PDE4D: variants seen among roughly 807,000 people sequenced by gnomAD.
PDE4D encodes the protein 3',5'-cyclic-AMP phosphodiesterase 4D.
Under a neutral mutation model 87.4 loss-of-function variants are expected in PDE4D, and 24 were observed. That is an observed-to-expected ratio of 0.27 (90% confidence interval 0.20 to 0.39). PDE4D has a LOEUF of 0.39. Ranked by LOEUF, PDE4D falls within the 10% of genes least tolerant of loss-of-function variation. The pLI is 1.00. For synonymous variants in PDE4D, 384 were observed against 383.2 expected (o/e 1.00, Z -0.02); for missense variants, 714 against 1,041.0 (o/e 0.69, Z 4.32).
intron 2 of PDE4D, among the ~76,000 whole-genome samples, chr5:59,202,155 T>C (rs1346426936): frequency 6.7e-6 from 1 of 149,056 alleles, no homozygotes; most frequent in East Asian, 2.0e-4. Context: ...TTCTCCTGCC[T>C]CAGCCTCTGG....
chr5:59,227,150 T>C (rs1331648029), intron 1 of PDE4D, among the ~76,000 whole-genome samples: 1 of 152,152 alleles, frequency 6.6e-6, no homozygotes, highest in East Asian at 1.9e-4. Flanking sequence ...TCTAAGATGC[T>C]ATATTTCCAA....
At chr5:60,316,745 T>A (rs1390513112) in intron 1 of PDE4D, among the ~76,000 whole-genome samples, 1 of 152,190 alleles carries the variant, frequency 6.6e-6, no homozygotes, top group East Asian at 1.9e-4. Flanking sequence ...ATTGAGATAA[T>A]CATATGGTTT....
intron 1 of PDE4D, among the ~76,000 whole-genome samples, chr5:59,289,032 A>G (rs989175155): frequency 6.6e-6 from 1 of 152,186 alleles, no homozygotes; most frequent in Non-Finnish European, 1.5e-5. Context: ...GTAAATACAC[A>G]GAAAAACACA....
intron 1 of PDE4D, among the ~76,000 whole-genome samples, chr5:59,847,833 C>G (rs933919795): frequency 6.6e-6 from 1 of 152,138 alleles, no homozygotes; most frequent in African/African-American, 2.4e-5. Context: ...ATGCCAATTC[C>G]TCTGCTCCAA....
intron 5 of PDE4D, among the ~76,000 whole-genome samples, chr5:59,076,571 A>G (rs970467087): frequency 6.6e-6 from 1 of 152,178 alleles, no homozygotes; most frequent in South Asian, 2.1e-4. Flanking sequence ...GCAATTAACA[A>G]GTGTGATAAA....
At chr5:59,425,601 A>G (rs932844543) in intron 1 of PDE4D, among the ~76,000 whole-genome samples, 7 of 152,188 alleles carry the variant, frequency 4.6e-5, no homozygotes, top group Non-Finnish European at 1.0e-4. Context: ...AAAGCTATAA[A>G]AAAGCAAATG....
At chr5:59,357,842 C>T (rs1177540157) in intron 1 of PDE4D, among the ~76,000 whole-genome samples, 1 of 152,190 alleles carries the variant, frequency 6.6e-6, no homozygotes, top group Non-Finnish European at 1.5e-5. Context: ...GTTAACAATG[C>T]AGCATAATTT....
At chr5:59,534,673 G>A (rs1365462951) in intron 1 of PDE4D, among the ~76,000 whole-genome samples, 3 of 152,208 alleles carry the variant, frequency 2.0e-5, no homozygotes, top group Non-Finnish European at 4.4e-5. Context: ...GACTTCCTGA[G>A]TAGAGGATTT....
At chr5:60,193,033 T>G (rs565506045) in intron 1 of PDE4D, among the ~76,000 whole-genome samples, 6 of 152,162 alleles carry the variant, frequency 3.9e-5, no homozygotes, top group Admixed American at 3.9e-4. Flanking sequence ...AAAAGCCAAG[T>G]TGGAAAACAG....
At chr5:59,840,462 T>G (rs898112049) in intron 1 of PDE4D, among the ~76,000 whole-genome samples, 2 of 152,024 alleles carry the variant, frequency 1.3e-5, no homozygotes, top group Admixed American at 1.3e-4. Flanking sequence ...AGAGCAGTGC[T>G]GACACATGGC....
intron 1 of PDE4D, among the ~76,000 whole-genome samples, chr5:59,291,812 C>T (rs1300321561): frequency 1.4e-5 from 2 of 146,888 alleles, no homozygotes; most frequent in Non-Finnish European, 3.0e-5. Context: ...TTTAACCTGA[C>T]CTTGTATATT....
At chr5:59,969,955 G>A (rs531152178) in intron 3 of PDE4D, among the ~76,000 whole-genome samples, 12 of 152,266 alleles carry the variant, frequency 7.9e-5, no homozygotes, top group Admixed American at 3.3e-4. Context: ...ACACATGTAT[G>A]CACACTCCTG....
intron 1 of PDE4D, among the ~76,000 whole-genome samples, chr5:60,504,032 T>C (rs1750214301): frequency 6.6e-6 from 1 of 151,348 alleles, no homozygotes; most frequent in African/African-American, 2.4e-5. Flanking sequence ...CCAGGTAGAG[T>C]TGATCATGTA....
chr5:59,051,997 A>C lies in PDE4D; in HGVS notation c.809-13026T>G, dbSNP rs141377836. Among the ~76,000 whole-genome samples, 1,090 of 152,220 alleles carry C rather than the reference A, an allele frequency of 7.2e-3. 5 individuals carry two copies. The highest frequency in any genetic ancestry group is 0.012 in the Non-Finnish European group (806 of 68,034). On this transcript the variant is annotated intron_variant, in intron 5 of 14. Transcript: ENST00000340635. ...AAGAGAATAGTCAAAAAATCCATACATATTTATTGAGCCTCTCTGATGTGA... is the reference window on the plus strand; with the variant it reads ...AAGAGAATAGTCAAAAAATCCATACCTATTTATTGAGCCTCTCTGATGTGA...
chr5:60,517,920 G>GAGAAGAC, intron 1 of PDE4D, among the ~76,000 whole-genome samples: 1 of 152,342 alleles, frequency 6.6e-6, no homozygotes, highest in African/African-American at 2.4e-5. Context: ...GGAGAGAAGA[G>GAGAAGAC]AGAAGAAGAG....
At position 59,698,058 on chromosome 5, in the gene PDE4D, A is replaced by G. The variant is rs925282670; in HGVS notation, c.455+195110T>C. Reference sequence around the variant, plus strand: ...AGACCCATAAAATAAATGGAGTTTAATATGGCAAATGTTACAAAAATATTA... The same window carrying G: ...AGACCCATAAAATAAATGGAGTTTAGTATGGCAAATGTTACAAAAATATTA... On this transcript the variant is annotated intron_variant, in intron 1 of 14. Transcript: ENST00000340635. Among the ~76,000 whole-genome samples, 25 of 152,222 alleles carry G rather than the reference A, an allele frequency of 1.6e-4. 1 individual carries two copies. The highest frequency in any genetic ancestry group is 5.8e-4 in the African/African-American group (24 of 41,452).
intron 1 of PDE4D, among the ~76,000 whole-genome samples, chr5:60,373,338 T>C (rs937596951): frequency 6.6e-6 from 1 of 152,200 alleles, no homozygotes; most frequent in Non-Finnish European, 1.5e-5. Flanking sequence ...ATGTACTCTC[T>C]GGTCAGCCAC....
intron 1 of PDE4D, among the ~76,000 whole-genome samples, chr5:59,719,188 T>C (rs187565365): frequency 6.6e-6 from 1 of 151,098 alleles, no homozygotes; most frequent in African/African-American, 2.5e-5. Flanking sequence ...TGGTAAATAT[T>C]TATCAGTTGG....
intron 1 of PDE4D, among the ~76,000 whole-genome samples, chr5:59,392,060 A>ATTT (rs370958033): frequency 6.7e-6 from 1 of 150,130 alleles, no homozygotes; most frequent in African/African-American, 2.4e-5. Flanking sequence ...TCACTGCTGT[A>ATTT]TTTTTTTTTA....
Sources: gnomAD v4.1 joint callset for allele counts (sites outside exome capture counted in the v4.1 genomes callset) on GRCh38, gnomAD v4.1.1 for gene constraint, MANE v1.5 for transcripts, NCBI Gene and HGNC (gene_info 2026-07-23, HGNC 2026-07-21) for gene names.